FBXL17: variants seen among roughly 807,000 people sequenced by gnomAD.
FBXL17 encodes the protein F-box/LRR-repeat protein 17.
Under a neutral mutation model 66.2 loss-of-function variants are expected in FBXL17, and 22 were observed. The ratio of observed to expected loss-of-function variants is 0.33; its 90% CI spans 0.24 to 0.47. The LOEUF (loss-of-function observed/expected upper bound fraction) is 0.47. Ranked by LOEUF, FBXL17 falls within the 20% of genes least tolerant of loss-of-function variation. The pLI is 1.00. For synonymous variants in FBXL17, 474 were observed against 400.5 expected (o/e 1.18, Z -2.19); for missense variants, 878 against 948.2 (o/e 0.93, Z 0.97).
intron 7 of FBXL17, among the ~76,000 whole-genome samples, chr5:107,996,149 C>G (rs879872504): frequency 7.9e-5 from 12 of 152,100 alleles, no homozygotes; most frequent in Non-Finnish European, 1.5e-4. Context: ...TGATTTTTTT[C>G]CCTTTGTTTC....
intron 4 of FBXL17, among the ~76,000 whole-genome samples, chr5:108,288,559 T>C (rs1348962467): frequency 1.3e-5 from 2 of 152,016 alleles, no homozygotes; most frequent in South Asian, 2.1e-4. Context: ...TTGCAAATGT[T>C]CACACAGTAA....
intron 7 of FBXL17, among the ~76,000 whole-genome samples, chr5:107,950,735 C>G (rs1359950126): frequency 6.6e-6 from 1 of 152,156 alleles, no homozygotes; most frequent in African/African-American, 2.4e-5. Context: ...TTTACAACCT[C>G]AAATCTGCTA....
rs140972810 is a variant in FBXL17 at position 107,873,224 on chromosome 5, T to C, written c.1965+7813A>G. The stretch of plus-strand genomic sequence containing the variant: ...CTCTTTGTTCAGAAGAAGCATAACC[T>C]TGGCTGTCATTTAAAAATAAATAAT... On this transcript the variant is annotated intron_variant, in intron 8 of 8. Coordinates refer to ENST00000542267, the MANE Select transcript of FBXL17 (RefSeq NM_001163315.3). Among the ~76,000 whole-genome samples, 184 of 152,352 alleles carry C rather than the reference T, an allele frequency of 1.2e-3. 1 individual carries two copies. Among genetic ancestry groups the C allele is most frequent in the African/African-American group, 4.2e-3 (176 of 41,578 alleles).
chr5:108,222,687 T>G (rs1754920022), intron 5 of FBXL17, among the ~76,000 whole-genome samples: 1 of 149,918 alleles, frequency 6.7e-6, no homozygotes, highest in Non-Finnish European at 1.5e-5. Context: ...TTTTTTTTTT[T>G]TTTTTGAGAC....
chr5:108,068,283 C>A (rs1054001141), intron 6 of FBXL17, among the ~76,000 whole-genome samples: 4 of 152,080 alleles, frequency 2.6e-5, no homozygotes, highest in Non-Finnish European at 4.4e-5. Context: ...CACTGATTTT[C>A]AGTTAAATAT....
At chr5:108,234,341 C>T (rs1755501662) in intron 4 of FBXL17, among the ~76,000 whole-genome samples, 1 of 152,144 alleles carries the variant, frequency 6.6e-6, no homozygotes, top group African/African-American at 2.4e-5. Flanking sequence ...CCTCTCTATC[C>T]ATCATCTGAG....
chr5:108,069,221 T>C (rs1008733395), intron 6 of FBXL17, among the ~76,000 whole-genome samples: 1 of 152,214 alleles, frequency 6.6e-6, no homozygotes, highest in African/African-American at 2.4e-5. Context: ...TCTTGTCAAC[T>C]GAAACCATAA....
intron 6 of FBXL17, among the ~76,000 whole-genome samples, chr5:108,123,822 C>T (rs1291430680): frequency 6.6e-6 from 1 of 152,132 alleles, no homozygotes; most frequent in Non-Finnish European, 1.5e-5. Context: ...ACTTAACATT[C>T]CTAAATGATC....
intron 8 of FBXL17, chr5:107,880,669 A>C: frequency 2.5e-6 from 3 of 1,213,648 alleles, no homozygotes; most frequent in Non-Finnish European, 3.1e-6. Flanking sequence ...CTGTTGCTGG[A>C]AACTTGAAAC....
At chr5:108,179,529 AT>A (rs1243917814) in intron 6 of FBXL17, among the ~76,000 whole-genome samples, 3 of 152,218 alleles carry the variant, frequency 2.0e-5, no homozygotes, top group Non-Finnish European at 4.4e-5. Context: ...AACACTAAAC[AT>A]TGCCAATGAA....
chr5:107,961,353 T>C (rs1192741864), intron 7 of FBXL17, among the ~76,000 whole-genome samples: 1 of 151,996 alleles, frequency 6.6e-6, no homozygotes, highest in Non-Finnish European at 1.5e-5. Flanking sequence ...GCCTCCCAAG[T>C]AGTTGGGACT....
At chr5:108,174,731 C>G (rs1752728328) in intron 6 of FBXL17, among the ~76,000 whole-genome samples, 1 of 116,214 alleles carries the variant, frequency 8.6e-6, no homozygotes. Flanking sequence ...TATAGCTATA[C>G]TTTTTACACA....
At chr5:108,192,530 G>A (rs1241615645) in intron 5 of FBXL17, among the ~76,000 whole-genome samples, 1 of 152,134 alleles carries the variant, frequency 6.6e-6, no homozygotes, top group African/African-American at 2.4e-5. Context: ...ACACTAAAAT[G>A]TTACCTAGGA....
chr5:108,340,993 A>G (rs1746841442), intron 4 of FBXL17, among the ~76,000 whole-genome samples: 1 of 152,160 alleles, frequency 6.6e-6, no homozygotes, highest in African/African-American at 2.4e-5. Flanking sequence ...ACCATATTGT[A>G]TATACTTCTC....
intron 6 of FBXL17, among the ~76,000 whole-genome samples, chr5:108,163,951 TA>T (rs1752317640): frequency 6.6e-6 from 1 of 152,202 alleles, no homozygotes; most frequent in Admixed American, 6.5e-5. Context: ...AACCTGGCAA[TA>T]AACTATTTTT....
Position 108,244,997 on chromosome 5 carries a change from G to T in FBXL17, c.1507-20769C>A, listed in dbSNP as rs182173030. On this transcript the variant is annotated intron_variant, in intron 4 of 8. Transcript: ENST00000542267. ...GTGTATATACTCAAAATTAGGCTTTGTAATGGTCTTAAAGATATAAAATCT... is the reference window on the plus strand; with the variant it reads ...GTGTATATACTCAAAATTAGGCTTTTTAATGGTCTTAAAGATATAAAATCT... Among the ~76,000 whole-genome samples, 64 of 152,220 alleles carry T rather than the reference G, an allele frequency of 4.2e-4. 1 individual carries two copies. In the South Asian group the frequency reaches 0.011, roughly 27 times the overall value.
intron 4 of FBXL17, among the ~76,000 whole-genome samples, chr5:108,233,599 A>G (rs2150089295): frequency 6.6e-6 from 1 of 152,310 alleles, no homozygotes; most frequent in Admixed American, 6.5e-5. Flanking sequence ...CAGATTCAAC[A>G]TGATTCACAT....
chr5:108,258,654 TAGGTA>T (rs754363574), intron 4 of FBXL17, among the ~76,000 whole-genome samples: 4 of 152,120 alleles, frequency 2.6e-5, no homozygotes, highest in Non-Finnish European at 4.4e-5. Context: ...AGTCTCTTAT[TAGGTA>T]GATGCCCACT....
chr5:108,316,228 A>G (rs1015290187), intron 4 of FBXL17, among the ~76,000 whole-genome samples: 7 of 151,508 alleles, frequency 4.6e-5, no homozygotes, highest in Non-Finnish European at 8.9e-5. Context: ...GGAGAAAAAA[A>G]AACAGTGACA....
Sources: gnomAD v4.1 joint callset for allele counts (sites outside exome capture counted in the v4.1 genomes callset) on GRCh38, gnomAD v4.1.1 for gene constraint, MANE v1.5 for transcripts, NCBI Gene and HGNC (gene_info 2026-07-23, HGNC 2026-07-21) for gene names.